SGSM1: variants seen among roughly 807,000 people sequenced by gnomAD.
SGSM1 encodes RUN and TBC1 domain containing 2.
In SGSM1, 73 loss-of-function variants were observed where a neutral mutation model predicts 133.8. The observed-to-expected ratio is 0.55, with a 90% CI of 0.45 to 0.66. SGSM1 has a LOEUF of 0.66. SGSM1 is among the 30% of genes least tolerant of loss of function. The pLI is 0.00. For synonymous variants in SGSM1, 563 were observed against 573.0 expected, an observed-to-expected ratio of 0.98 and a Z score of 0.25; for missense variants, 1,213 against 1,448.1, an observed-to-expected ratio of 0.84 and a Z score of 2.64.
chr22:24,894,479 A>G (rs2330935), intron 17 of SGSM1, among the ~76,000 whole-genome samples: 27,581 of 152,206 alleles, frequency 0.18, 3,248 homozygotes, highest in African/African-American at 0.32. Flanking sequence ...CCAAAAATCA[A>G]TGACTTCCAA....
Position 24,891,424 on chromosome 22 carries a change from C to G in SGSM1, c.1771-2007C>G, listed in dbSNP as rs1365548435. On this transcript the variant is annotated intron_variant, in intron 16 of 24. Transcript: ENST00000400358. ...AGAAGTGTGGGAAGCATAGGAGCAC[C>G]AGACTGGCCCTTTCTCCCTGGGGTA... Among the ~76,000 whole-genome samples, 3 of 152,236 alleles carry G rather than the reference C, an allele frequency of 2.0e-5. No homozygotes were observed. The East Asian group carries it at 5.8e-4, about 29-fold the overall frequency.
chr22:24,906,614 A>G (rs1303253925), intron 21 of SGSM1, among the ~76,000 whole-genome samples: 1 of 152,172 alleles, frequency 6.6e-6, no homozygotes, highest in Non-Finnish European at 1.5e-5. Flanking sequence ...TAGGAAAACA[A>G]TTTTATTTGC....
At chr22:24,823,248 A>T (rs944050502) in intron 2 of SGSM1, among the ~76,000 whole-genome samples, 1 of 152,354 alleles carries the variant, frequency 6.6e-6, no homozygotes, top group African/African-American at 2.4e-5. Flanking sequence ...TTATAAATAA[A>T]TGCTGGCTAT....
intron 2 of SGSM1, among the ~76,000 whole-genome samples, chr22:24,815,114 T>C (rs1410801945): frequency 6.6e-6 from 1 of 152,232 alleles, no homozygotes; most frequent in Non-Finnish European, 1.5e-5. Flanking sequence ...TCTATGTTTT[T>C]TCTTTGCACA....
intron 2 of SGSM1, among the ~76,000 whole-genome samples, chr22:24,831,020 T>C (rs1006013828): frequency 4.1e-4 from 63 of 152,182 alleles, no homozygotes; most frequent in African/African-American, 1.4e-3. Context: ...GCTAGGCTTC[T>C]GCATCCTGTG....
At chr22:24,893,754 C>T (rs974532688) in intron 17 of SGSM1, 141 bp downstream of exon 17, 20 of 962,558 alleles carry the variant, frequency 2.1e-5, no homozygotes, top group Middle Eastern at 3.3e-4. Context: ...TAAGAGTGTG[C>T]GGTGACTTTG....
At chr22:24,880,685 C>T (rs1932268380) in intron 14 of SGSM1, among the ~76,000 whole-genome samples, 1 of 152,144 alleles carries the variant, frequency 6.6e-6, no homozygotes, top group African/African-American at 2.4e-5. Flanking sequence ...ATGAAGTAGG[C>T]ATTGGGCAAG....
intron 21 of SGSM1, among the ~76,000 whole-genome samples, chr22:24,909,943 C>G (rs1297696689): frequency 6.6e-6 from 1 of 152,042 alleles, no homozygotes; most frequent in Non-Finnish European, 1.5e-5. Flanking sequence ...GGAAACAGTC[C>G]AAATGTCCAT....
At chr22:24,852,229 T>C (rs1043566351) in intron 5 of SGSM1, among the ~76,000 whole-genome samples, 1 of 152,242 alleles carries the variant, frequency 6.6e-6, no homozygotes, top group African/African-American at 2.4e-5. Context: ...TACTATTAAC[T>C]AACTGCAAAA....
At position 24,806,354 on chromosome 22, in the gene SGSM1, C is replaced by T. The variant is rs1463986019; in HGVS notation, c.19+10C>T. 16 of 1,490,696 alleles carry T rather than the reference C, an allele frequency of 1.1e-5. No homozygotes were observed. Among genetic ancestry groups the T allele is most frequent in the Non-Finnish European group, 1.4e-5 (16 of 1,121,996 alleles). The allele number at this position is 1,490,696 out of a possible 1,614,324, so 92.3% of individuals were successfully genotyped here. A position where few individuals can be genotyped will look rare whatever the true frequency, so the allele number is the denominator to read the frequency against. Reference sequence around the variant, plus strand: ...GCCTCGGCCCCCGCGGGTAAGAGGCCGCTGGACACGAGGGCGGCGGGAGGG... The same window carrying T: ...GCCTCGGCCCCCGCGGGTAAGAGGCTGCTGGACACGAGGGCGGCGGGAGGG... On this transcript the variant is annotated intron_variant, in intron 1 of 24. Coordinates refer to ENST00000400358, the MANE Select transcript of SGSM1 (RefSeq NM_001098497.3).
At chr22:24,884,924 G>T (rs1436922968) in intron 15 of SGSM1, among the ~76,000 whole-genome samples, 1 of 152,040 alleles carries the variant, frequency 6.6e-6, no homozygotes, top group East Asian at 1.9e-4. Flanking sequence ...AGCGAGAATT[G>T]TACACTTTGG....
intron 8 of SGSM1, chr22:24,856,137 G>C (rs1930774215): frequency 2.9e-6 from 1 of 348,318 alleles, no homozygotes; most frequent in African/African-American, 2.1e-5. Flanking sequence ...GTTCGCTCTT[G>C]TTCTCACTTC....
At chr22:24,866,678 C>G (rs1287424546) in intron 9 of SGSM1, among the ~76,000 whole-genome samples, 2 of 152,218 alleles carry the variant, frequency 1.3e-5, no homozygotes, top group African/African-American at 4.8e-5. Context: ...ACTCTCCAGA[C>G]AGGATGGGGC....
intron 6 of SGSM1, 89 bp from the exon 7 acceptor site, chr22:24,855,196 G>T: frequency 6.4e-7 from 1 of 1,551,440 alleles, no homozygotes; most frequent in Non-Finnish European, 8.7e-7. Flanking sequence ...GGCTGGAGGG[G>T]AGGGTAGTGA....
intron 8 of SGSM1, 104 bp downstream of exon 8, chr22:24,855,784 A>C (rs914750642): frequency 5.8e-6 from 9 of 1,560,228 alleles, no homozygotes; most frequent in East Asian, 2.3e-5. Context: ...TCATCCATTT[A>C]TGCACTCACC....
chr22:24,852,597 C>T (rs1255020701), intron 5 of SGSM1, among the ~76,000 whole-genome samples: 1 of 152,146 alleles, frequency 6.6e-6, no homozygotes, highest in Non-Finnish European at 1.5e-5. Flanking sequence ...GCATGCACCA[C>T]CACTCCTGGC....
intron 3 of SGSM1, among the ~76,000 whole-genome samples, chr22:24,846,041 C>CT (rs11320292): frequency 0.12 from 10,701 of 91,242 alleles, 1,991 homozygotes; most frequent in African/African-American, 0.29. Context: ...CTCTTTCTTT[C>CT]TTTTTTTTTT....
At chr22:24,844,856 C>A in intron 2 of SGSM1, 41 bp from the exon 3 acceptor site, 2 of 1,602,420 alleles carry the variant, frequency 1.2e-6, no homozygotes, top group South Asian at 1.1e-5. Flanking sequence ...TCACCTTGGT[C>A]ACCTTGGACC....
chr22:24,922,119 G>T (rs1049352908), intron 24 of SGSM1, among the ~76,000 whole-genome samples: 1 of 151,288 alleles, frequency 6.6e-6, no homozygotes, highest in East Asian at 1.9e-4. Context: ...CTTGGAATCA[G>T]ATTGGACACC....
Sources: allele counts gnomAD v4.1 joint callset (sites outside exome capture counted in the v4.1 genomes callset), GRCh38; gene constraint gnomAD v4.1.1; transcripts MANE v1.5; gene names NCBI Gene and HGNC (gene_info 2026-07-23, HGNC 2026-07-21).